The following GOLGA3 variants were observed in gnomAD, a reference collection of about 807,000 sequenced individuals.
GOLGA3 encodes the protein golgin A3.
In GOLGA3, 75 loss-of-function variants were observed where a neutral mutation model predicts 169.4. The observed-to-expected ratio is 0.44, with a 90% CI of 0.37 to 0.54. The LOEUF (loss-of-function observed/expected upper bound fraction) is 0.54, where lower values mean the gene tolerates loss of function less well. GOLGA3 is among the 20% of genes least tolerant of loss of function. The pLI, the probability that GOLGA3 is intolerant of heterozygous loss-of-function variation, is 0.00. For missense variants in GOLGA3, 1,899 were observed against 1,930.0 expected (o/e 0.98, Z 0.30); for synonymous variants, 824 against 822.4 (o/e 1.00, Z -0.03).
At chr12:132,806,148 C>G (rs1462771850) in intron 6 of GOLGA3, among the ~76,000 whole-genome samples, 1 of 152,198 alleles carries the variant, frequency 6.6e-6, no homozygotes, top group Non-Finnish European at 1.5e-5. Context: ...AGGAACTCCA[C>G]AAACTCCAGG....
chr12:132,802,294 G>A (rs973332747), intron 7 of GOLGA3, among the ~76,000 whole-genome samples: 8 of 151,822 alleles, frequency 5.3e-5, no homozygotes, highest in Non-Finnish European at 1.2e-4. Context: ...CATTCACACC[G>A]AGCTCACGGC....
chr12:132,797,449 G>A (rs1444094845), intron 9 of GOLGA3, among the ~76,000 whole-genome samples: 7 of 152,190 alleles, frequency 4.6e-5, no homozygotes, highest in Admixed American at 2.0e-4. Flanking sequence ...TGAGGCTCAC[G>A]CCTGTAATCC....
intron 18 of GOLGA3, among the ~76,000 whole-genome samples, chr12:132,779,463 T>C (rs915302915): frequency 6.6e-6 from 1 of 152,248 alleles, no homozygotes; most frequent in Non-Finnish European, 1.5e-5. Context: ...CTTTTTCTTT[T>C]CATCTCAATT....
intron 5 of GOLGA3, 86 bp from the exon 6 acceptor site, chr12:132,807,374 C>A: frequency 1.5e-6 from 1 of 672,510 alleles, no homozygotes; most frequent in East Asian, 2.9e-5. Context: ...TCCACACACC[C>A]CTGCTGCTCT....
At chr12:132,827,096 T>G (rs957801) in intron 1 of GOLGA3, among the ~76,000 whole-genome samples, 16,083 of 152,114 alleles carry the variant, frequency 0.11, 1,753 homozygotes, top group East Asian at 0.5. Flanking sequence ...CCTACAGGAC[T>G]TTCTGCTTCC....
intron 3 of GOLGA3, among the ~76,000 whole-genome samples, chr12:132,814,520 T>C (rs1482103432): frequency 6.6e-6 from 1 of 152,216 alleles, no homozygotes; most frequent in African/African-American, 2.4e-5. Flanking sequence ...TCAGCCGTCG[T>C]GGGGTCACGA....
rs1949506583 is a variant in GOLGA3, at chr12:132,808,032, T to C, written c.1037A>G (p.Asn346Ser). The C allele has an allele frequency of 6.2e-7, 1 of 1,609,106 alleles. No homozygotes were observed. The highest frequency in any genetic ancestry group is 1.1e-5 in the South Asian group (1 of 90,422). Residue 346 changes from asparagine (N) to serine (S), a missense_variant, in exon 5 of 24, where the codon AAC becomes AGC. Physicochemically the swap from Asn to Ser is conservative, Grantham distance 46. Coordinates refer to ENST00000450791, the MANE Select transcript of GOLGA3 (RefSeq NM_001389683.1). ...VGTQDTPYMV[N>S]GQEIPADTLG... ...GGTATCCGCAGGAATCTCCTGGCCG[T>C]TGACCATATAGGGGGTGTCCTGCGT...
In GOLGA3 at chr12:132,784,148, G is replaced by A. The variant is rs200601267; in HGVS notation, c.3267+16C>T. ...CCTGCCCCACGCTGCCGCCACAGCA[G>A]ATGGCCAGGCCTCACCTCGTCCTCC... On this transcript the variant is annotated intron_variant, in intron 16 of 23. Coordinates refer to ENST00000450791, the MANE Select transcript of GOLGA3 (RefSeq NM_001389683.1). 6.2e-6 allele frequency: 10 copies of A among 1,604,922 alleles called. No homozygotes were observed. In the African/African-American group the frequency reaches 1.1e-4, roughly 17 times the overall value.
rs151100442 is a variant in GOLGA3 at position 132,780,008 on chromosome 12, C to A, written c.3582+790G>T. Among the ~76,000 whole-genome samples the A allele has an allele frequency of 4.6e-3, 597 of 130,872 alleles. 1 individual carries two copies. Among genetic ancestry groups the A allele is most frequent in the Non-Finnish European group, 5.1e-3 (321 of 63,134 alleles). 85.9% of individuals were successfully genotyped at this position (130,872 alleles called of 152,430 possible). A position where few individuals can be genotyped will look rare whatever the true frequency, so the allele number is the denominator to read the frequency against. On this transcript the variant is annotated intron_variant, in intron 18 of 23. Transcript: ENST00000450791. ...CGTGCACACACACCCCAGGCACACA[C>A]GTGCGCACACACACCACAGCCCTTG... is the stretch of plus-strand genomic sequence containing the variant.
chr12:132,800,102 C>CAT (rs745930260), intron 8 of GOLGA3, among the ~76,000 whole-genome samples: 28 of 152,314 alleles, frequency 1.8e-4, no homozygotes, highest in Non-Finnish European at 2.8e-4. Context: ...CATATAAATG[C>CAT]ACTGCAGCTG....
intron 3 of GOLGA3, among the ~76,000 whole-genome samples, chr12:132,814,335 T>TA (rs1343886168): frequency 6.6e-6 from 1 of 152,162 alleles, no homozygotes. Flanking sequence ...CAAGTGCCTT[T>TA]TAACAACAGA....
chr12:132,775,973 G>A (rs1052790052), intron 21 of GOLGA3, among the ~76,000 whole-genome samples: 7 of 152,370 alleles, frequency 4.6e-5, no homozygotes, highest in East Asian at 1.9e-4. Context: ...GATCGGAGCC[G>A]GCCCAGGCTT....
Position 132,796,139 on chromosome 12 carries a change from A to C in GOLGA3, c.2182T>G (p.Leu728Val). ...CTGCTCTGCAGAGCCTCCTGAGTCA[A>C]GGTGAGCTGTTTCATCAGGTCCAGG... ...EHLDLMKQLTLTQEALQSREQ... is the reference protein window; with the variant it reads ...EHLDLMKQLTVTQEALQSREQ... Residue 728 changes from leucine (L) to valine (V), a missense_variant, in exon 11 of 24, where the codon TTG becomes GTG. Leu to Val is a conservative substitution (Grantham distance 32). Coordinates refer to ENST00000450791, the MANE Select transcript of GOLGA3 (RefSeq NM_001389683.1). 6.2e-7 allele frequency: 1 copy of C among 1,611,034 alleles called. No individual in the cohort carries two copies. The highest frequency in any genetic ancestry group is 8.5e-7 in the Non-Finnish European group (1 of 1,178,360).
Position 132,816,705 on chromosome 12 carries a change from A to G in GOLGA3, c.241T>C (p.Ser81Pro), listed in dbSNP as rs77231269. ...ACTGGGCTTGTGGTGGGATCGAGAG[A>G]CGACGGAGGGTCTGGGAAGGGTGGC... ...PTPPFPDPPSSLDPTTSPVGP... is the reference protein window; with the variant it reads ...PTPPFPDPPSPLDPTTSPVGP... Residue 81 changes from serine (S) to proline (P), a missense_variant, in exon 3 of 24, where the codon TCT (serine) becomes CCT (proline). Physicochemically the swap from Ser to Pro is moderately conservative, Grantham distance 74. Transcript: ENST00000450791. The G allele has an allele frequency of 4.8e-3, 7,821 of 1,614,064 alleles. 309 individuals carry two copies. The African/African-American group carries it at 0.089, about 18-fold the overall frequency.
At chr12:132,794,375 C>T (rs1253854214) in intron 11 of GOLGA3, among the ~76,000 whole-genome samples, 2 of 150,440 alleles carry the variant, frequency 1.3e-5, no homozygotes, top group Admixed American at 6.6e-5. Context: ...GATGTGTGCA[C>T]ATTCCGACAA....
At chr12:132,798,096 A>C (rs882378) in intron 9 of GOLGA3, among the ~76,000 whole-genome samples, 34,442 of 138,070 alleles carry the variant, frequency 0.25, 4,386 homozygotes, top group Non-Finnish European at 0.31. Flanking sequence ...GGTGAGGATG[A>C]GGGGTGGGGG....
chr12:132,790,467 C>A (rs2046169169), intron 12 of GOLGA3, among the ~76,000 whole-genome samples: 1 of 152,218 alleles, frequency 6.6e-6, no homozygotes, highest in African/African-American at 2.4e-5. Context: ...TAAAATCCAA[C>A]AGGAGGTACT....
At position 132,777,051 on chromosome 12, in the gene GOLGA3, G is replaced by A; in HGVS notation, c.3762C>T (p.Phe1254=). The A allele has an allele frequency of 1.2e-6, 2 of 1,608,392 alleles. No homozygotes were observed. Among genetic ancestry groups the A allele is most frequent in the Non-Finnish European group, 1.7e-6 (2 of 1,178,314 alleles). Residue 1254 remains phenylalanine (F), a synonymous_variant, in exon 20 of 24, where the codon TTC becomes TTT. Coordinates refer to ENST00000450791, the MANE Select transcript of GOLGA3 (RefSeq NM_001389683.1). The surrounding 1 kb of genome is among the most constrained non-coding windows in gnomAD (Gnocchi z 4.7). ...EGKHSQEIAQ[F]QAELAEARAQ... ...CCCGGGCCTCGGCCAGCTCTGCTTG[G>A]AACTGTGCTATCTCCTGGGAATGTT...
chr12:132,807,113 C>T (rs981315201), intron 6 of GOLGA3, 64 bp downstream of exon 6: 30 of 952,502 alleles, frequency 3.1e-5, no homozygotes, highest in Non-Finnish European at 4.5e-5. Context: ...TCGTACCCAA[C>T]AGAGGAGCCA....
Sources: gnomAD v4.1 joint callset for allele counts (sites outside exome capture counted in the v4.1 genomes callset) on GRCh38, gnomAD v4.1.1 for gene constraint, Gnocchi (gnomAD v3.1) non-coding constraint, MANE v1.5 for transcripts, NCBI Gene and HGNC (gene_info 2026-07-23, HGNC 2026-07-21) for gene names.